EXO1: variants seen among roughly 807,000 people sequenced by gnomAD.
EXO1 encodes the protein exonuclease 1.
EXO1 carries 69 observed loss-of-function variants against 84.5 expected under a neutral mutation model. The observed-to-expected ratio is 0.82, with a 90% CI of 0.67 to 1.00. EXO1 has a LOEUF of 1.00. Ranked by LOEUF, EXO1 falls within the 50% of genes least tolerant of loss-of-function variation. EXO1 has a pLI of 0.00. For synonymous variants in EXO1, 373 were observed against 366.1 expected, an observed-to-expected ratio of 1.02 and a Z score of -0.21; for missense variants, 1,045 against 1,000.7, an observed-to-expected ratio of 1.04 and a Z score of -0.60.
At chr1:241,854,433 G>A (rs540602517) in intron 6 of EXO1, 1 of 152,424 alleles carries the variant, frequency 6.6e-6, no homozygotes, top group Admixed American at 6.5e-5. Flanking sequence ...CACCGTACCT[G>A]GCCTGTTAAA....
intron 4 of EXO1, among the ~76,000 whole-genome samples, chr1:241,851,976 T>C (rs1660695525): frequency 6.6e-6 from 1 of 152,052 alleles, no homozygotes; most frequent in Non-Finnish European, 1.5e-5. Context: ...TAACATAAAA[T>C]GGGGGGGAAA....
intron 10 of EXO1, among the ~76,000 whole-genome samples, chr1:241,865,697 A>AG (rs1558132048): frequency 1.3e-5 from 2 of 152,140 alleles, no homozygotes; most frequent in African/African-American, 4.8e-5. Context: ...TAGGAACCAT[A>AG]ATTGTACACC....
At chr1:241,884,043 C>T (rs1662910934) in intron 14 of EXO1, among the ~76,000 whole-genome samples, 1 of 152,148 alleles carries the variant, frequency 6.6e-6, no homozygotes, top group African/African-American at 2.4e-5. Flanking sequence ...TCTTTTACCT[C>T]TATTTCTTCT....
chr1:241,850,673 C>A, intron 4 of EXO1, 87 bp downstream of exon 4: 4 of 1,048,428 alleles, frequency 3.8e-6, no homozygotes, highest in Non-Finnish European at 5.9e-6. Context: ...GGATTGTTTT[C>A]ACTCAATGCC....
At chr1:241,857,580 A>G (rs925462040) in intron 7 of EXO1, 98 bp downstream of exon 7, 2 of 459,492 alleles carry the variant, frequency 4.4e-6, no homozygotes, top group African/African-American at 4.2e-5. Context: ...ATGATAATTT[A>G]TAATATTTAT....
intron 6 of EXO1, chr1:241,854,596 G>A (rs1660860610): frequency 2.0e-5 from 3 of 152,278 alleles, no homozygotes; most frequent in South Asian, 2.1e-4. Flanking sequence ...GAAACGATGC[G>A]ATGCAGGACA....
At chr1:241,889,187 A>G (rs1663241068) in intron 15 of EXO1, among the ~76,000 whole-genome samples, 1 of 152,236 alleles carries the variant, frequency 6.6e-6, no homozygotes, top group South Asian at 2.1e-4. Context: ...GAATTAAAGT[A>G]TTGGAATCAT....
intron 15 of EXO1, among the ~76,000 whole-genome samples, chr1:241,888,495 A>T (rs1006357046): frequency 2.0e-5 from 3 of 152,210 alleles, no homozygotes; most frequent in Admixed American, 6.5e-5. Context: ...AGTGGAAAGG[A>T]TGAACAAAGT....
At chr1:241,849,630 C>G (rs1210409014) in intron 3 of EXO1, among the ~76,000 whole-genome samples, 3 of 152,188 alleles carry the variant, frequency 2.0e-5, no homozygotes, top group African/African-American at 7.2e-5. Context: ...AGTACAGGAT[C>G]ATTTCTGTAA....
chr1:241,879,450 A>ATT (rs4149981), intron 13 of EXO1, 107 bp downstream of exon 13: 1 of 672,694 alleles, frequency 1.5e-6, no homozygotes, highest in Non-Finnish European at 2.5e-6. Context: ...GAGCTATATT[A>ATT]TTTTTTCATT....
chr1:241,885,412 G>T lies in EXO1; in HGVS notation c.2310G>T (p.Pro770=), dbSNP rs150730167. 1.7e-5 allele frequency: 27 copies of T among 1,613,586 alleles called. No individual in the cohort carries two copies. The African/African-American group carries it at 2.4e-4, about 14-fold the overall frequency. ...PARASGLSKK[P]ASIQKRKHHN... Reference sequence around the variant, plus strand: ...GAGCCAGTGGGCTGAGCAAGAAGCCGGCAAGCATCCAGAAGAGAAAGCATC... The same window carrying T: ...GAGCCAGTGGGCTGAGCAAGAAGCCTGCAAGCATCCAGAAGAGAAAGCATC... Residue 770 remains proline, a synonymous_variant, in exon 15 of 16, where the codon CCG becomes CCT. Coordinates refer to ENST00000366548, the MANE Select transcript of EXO1 (RefSeq NM_130398.4).
intron 12 of EXO1, among the ~76,000 whole-genome samples, chr1:241,878,187 T>G (rs888792215): frequency 7.2e-5 from 11 of 152,188 alleles, no homozygotes; most frequent in Non-Finnish European, 1.5e-4. Flanking sequence ...CATGTGTATA[T>G]AGAAGACTGC....
chr1:241,854,272 G>A (rs1024135379), intron 6 of EXO1, among the ~76,000 whole-genome samples: 3 of 152,130 alleles, frequency 2.0e-5, no homozygotes, highest in Admixed American at 1.3e-4. Flanking sequence ...CAAGTAGCTG[G>A]GATTACAGGC....
chr1:241,884,739 G>C (rs1662955957), intron 14 of EXO1, among the ~76,000 whole-genome samples: 1 of 152,130 alleles, frequency 6.6e-6, no homozygotes, highest in Non-Finnish European at 1.5e-5. Context: ...TCTGGAAAGG[G>C]AGGCAGCGAG....
At chr1:241,865,843 G>A (rs1430823425) in intron 10 of EXO1, among the ~76,000 whole-genome samples, 1 of 151,954 alleles carries the variant, frequency 6.6e-6, no homozygotes, top group East Asian at 1.9e-4. Flanking sequence ...TTTTATATTC[G>A]TTCCCTCAAT....
intron 10 of EXO1, among the ~76,000 whole-genome samples, chr1:241,865,503 G>A (rs928399976): frequency 5.9e-5 from 9 of 152,040 alleles, no homozygotes; most frequent in Admixed American, 1.3e-4. Context: ...GAGCCACCAT[G>A]CCTGGCCTAT....
chr1:241,863,468 T>C (rs1200230529), intron 10 of EXO1, among the ~76,000 whole-genome samples: 2 of 151,350 alleles, frequency 1.3e-5, no homozygotes, highest in Non-Finnish European at 2.9e-5. Flanking sequence ...AGGGAACTCT[T>C]AGATTGTTCA....
rs147441689 is a variant in EXO1 at position 241,864,506 on chromosome 1, G to T, written c.1042-2324G>T. Among the ~76,000 whole-genome samples the T allele has an allele frequency of 1.4e-4, 22 of 152,328 alleles. No individual in the cohort carries two copies. The East Asian group carries it at 3.5e-3, about 24-fold the overall frequency. On this transcript the variant is annotated intron_variant, in intron 10 of 15. Transcript: ENST00000366548. The stretch of plus-strand genomic sequence containing the variant: ...TCAATTGTTCTGGTTCTGAAGGCAG[G>T]TAGATGTTTGTTGACTGTATAGTCA...
At position 241,867,059 on chromosome 1, in the gene EXO1, C is replaced by G. The variant is rs751133380; in HGVS notation, c.1267+4C>G. ...ATTGTGAAAAGACCAAGAAGTGGTACGTATTTCAGTTTTGCAAAATGCTGG... is the reference window on the plus strand; with the variant it reads ...ATTGTGAAAAGACCAAGAAGTGGTAGGTATTTCAGTTTTGCAAAATGCTGG... On this transcript the variant is annotated splice_donor_region_variant and intron_variant, in intron 11 of 15. Transcript: ENST00000366548. The G allele has an allele frequency of 6.2e-7, 1 of 1,605,868 alleles. No homozygotes were observed. Among genetic ancestry groups the G allele is most frequent in the East Asian group, 2.2e-5 (1 of 44,826 alleles).
Sources: gnomAD v4.1 joint callset for allele counts (sites outside exome capture counted in the v4.1 genomes callset) on GRCh38, gnomAD v4.1.1 for gene constraint, MANE v1.5 for transcripts, NCBI Gene and HGNC (gene_info 2026-07-23, HGNC 2026-07-21) for gene names.